Variants in ZCCHC7 observed in about 807,000 individuals in gnomAD.
The protein encoded by ZCCHC7 is zinc finger CCHC-type containing 7, also known as zinc finger CCHC domain-containing protein 7.
Under a neutral mutation model 52.0 loss-of-function variants are expected in ZCCHC7, and 35 were observed. The observed-to-expected ratio is 0.67, with a 90% CI of 0.51 to 0.89. The LOEUF (loss-of-function observed/expected upper bound fraction) is 0.89, where lower values mean the gene tolerates loss of function less well. Ranked by LOEUF, ZCCHC7 falls within the 40% of genes least tolerant of loss-of-function variation. ZCCHC7 has a pLI of 0.00. For synonymous variants in ZCCHC7, 217 were observed against 221.5 expected, an observed-to-expected ratio of 0.98 and a Z score of 0.18; for missense variants, 574 against 649.1, an observed-to-expected ratio of 0.88 and a Z score of 1.26.
intron 2 of ZCCHC7, among the ~76,000 whole-genome samples, chr9:37,138,060 G>T (rs958280248): frequency 9.9e-5 from 15 of 152,266 alleles, no homozygotes; most frequent in Admixed American, 9.2e-4. Context: ...GCTTTTGTAA[G>T]CCTGTACTGC....
intron 2 of ZCCHC7, among the ~76,000 whole-genome samples, chr9:37,169,265 A>G (rs1294971800): frequency 6.6e-6 from 1 of 152,210 alleles, no homozygotes; most frequent in Non-Finnish European, 1.5e-5. Flanking sequence ...GTTCAAGGGA[A>G]GCATTCCATT....
chr9:37,207,167 G>C (rs767020010), intron 2 of ZCCHC7, among the ~76,000 whole-genome samples: 13 of 152,154 alleles, frequency 8.5e-5, no homozygotes, highest in Non-Finnish European at 1.6e-4. Flanking sequence ...TTATTGTTTA[G>C]AGTTGAAGTA....
At position 37,299,231 on chromosome 9, in the gene ZCCHC7, C is replaced by T. The variant is rs559279966; in HGVS notation, c.611-2957C>T. Among the ~76,000 whole-genome samples, 5 of 152,282 alleles carry T rather than the reference C, an allele frequency of 3.3e-5. No homozygotes were observed. In the South Asian group the frequency reaches 1.0e-3, roughly 32 times the overall value. ...GGTGGACACATGGAAGATGAGTGTTCCTGGGCCGTATGGAAAGTCCTCTTT... is the reference window on the plus strand; with the variant it reads ...GGTGGACACATGGAAGATGAGTGTTTCTGGGCCGTATGGAAAGTCCTCTTT... On this transcript the variant is annotated intron_variant, in intron 2 of 8. Transcript: ENST00000336755.
chr9:37,246,802 T>C (rs1826098325), intron 2 of ZCCHC7, among the ~76,000 whole-genome samples: 2 of 152,090 alleles, frequency 1.3e-5, no homozygotes, highest in Non-Finnish European at 1.5e-5. Context: ...TGCAGGAGCA[T>C]CCATAGATTT....
chr9:37,262,667 A>C (rs1381676386), intron 2 of ZCCHC7, among the ~76,000 whole-genome samples: 1 of 152,228 alleles, frequency 6.6e-6, no homozygotes, highest in Non-Finnish European at 1.5e-5. Context: ...CATTTTGCCA[A>C]ATAAATGGAT....
At chr9:37,142,171 A>T (rs1180899101) in intron 2 of ZCCHC7, among the ~76,000 whole-genome samples, 1 of 151,834 alleles carries the variant, frequency 6.6e-6, no homozygotes, top group Non-Finnish European at 1.5e-5. Flanking sequence ...AAAAATTCTA[A>T]TAATTTCCTA....
At chr9:37,237,121 C>G (rs1247919737) in intron 2 of ZCCHC7, among the ~76,000 whole-genome samples, 1 of 152,184 alleles carries the variant, frequency 6.6e-6, no homozygotes, top group Non-Finnish European at 1.5e-5. Context: ...TTTATGAAGA[C>G]TGAGCACTCA....
At chr9:37,165,578 A>G (rs1458060435) in intron 2 of ZCCHC7, among the ~76,000 whole-genome samples, 1 of 152,218 alleles carries the variant, frequency 6.6e-6, no homozygotes, top group Non-Finnish European at 1.5e-5. Flanking sequence ...ATTTTAATAT[A>G]GTGAATTACA....
At chr9:37,304,620 C>T (rs1255509056) in intron 4 of ZCCHC7, among the ~76,000 whole-genome samples, 1 of 150,732 alleles carries the variant, frequency 6.6e-6, no homozygotes. Context: ...CACACCATTG[C>T]ACTCCAGCCT....
At chr9:37,164,795 G>T (rs1356434591) in intron 2 of ZCCHC7, among the ~76,000 whole-genome samples, 1 of 152,014 alleles carries the variant, frequency 6.6e-6, no homozygotes, top group African/African-American at 2.4e-5. Flanking sequence ...CAAACTCCTG[G>T]GTTCAAGAGA....
chr9:37,191,368 A>AT (rs1263403621), intron 2 of ZCCHC7, among the ~76,000 whole-genome samples: 1 of 152,144 alleles, frequency 6.6e-6, no homozygotes, highest in African/African-American at 2.4e-5. Flanking sequence ...TTGAAAGTAT[A>AT]TTGAACATTT....
At chr9:37,135,611 CTAACAAATTG>C (rs1221342850) in intron 2 of ZCCHC7, among the ~76,000 whole-genome samples, 1 of 152,150 alleles carries the variant, frequency 6.6e-6, no homozygotes, top group Non-Finnish European at 1.5e-5. Flanking sequence ...TCGGGGATAC[CTAACAAATTG>C]TAGGTAAATT....
At chr9:37,338,393 A>G (rs547047783) in intron 6 of ZCCHC7, among the ~76,000 whole-genome samples, 2 of 152,270 alleles carry the variant, frequency 1.3e-5, no homozygotes, top group Middle Eastern at 3.4e-3. Context: ...GATTTACTGA[A>G]AAAGATACAA....
At chr9:37,162,493 C>G (rs1174158625) in intron 2 of ZCCHC7, among the ~76,000 whole-genome samples, 2 of 152,108 alleles carry the variant, frequency 1.3e-5, no homozygotes, top group Non-Finnish European at 2.9e-5. Flanking sequence ...ACAGTAGGGA[C>G]CCTTCAGGAG....
chr9:37,208,910 TC>T (rs1448034452), intron 2 of ZCCHC7, among the ~76,000 whole-genome samples: 133 of 152,330 alleles, frequency 8.7e-4, no homozygotes, highest in African/African-American at 3.2e-3. Context: ...ATCTTTCTGA[TC>T]TTATCTCCTA....
chr9:37,120,386 C>A (rs996627251), upstream of ZCCHC7, among the ~76,000 whole-genome samples: 2 of 152,210 alleles, frequency 1.3e-5, no homozygotes, highest in Non-Finnish European at 2.9e-5. Context: ...GCAAGGAAGG[C>A]AAACCTAATA....
intron 2 of ZCCHC7, among the ~76,000 whole-genome samples, chr9:37,136,007 A>G (rs1452723039): frequency 6.6e-6 from 1 of 152,026 alleles, no homozygotes; most frequent in South Asian, 2.1e-4. Flanking sequence ...CTAGTAAATC[A>G]TTTTGTTTGA....
chr9:37,254,837 C>CTTTTTTTTTTTTTTTT (rs59489076), intron 2 of ZCCHC7, among the ~76,000 whole-genome samples: 60 of 93,442 alleles, frequency 6.4e-4, no homozygotes, highest in Admixed American at 1.1e-3. Context: ...CAAAAAGTTT[C>CTTTTTTTTTTTTTTTT]TTTTTTTTTT....
intron 8 of ZCCHC7, among the ~76,000 whole-genome samples, chr9:37,355,966 T>C (rs1564276488): frequency 6.6e-6 from 1 of 151,784 alleles, no homozygotes; most frequent in Non-Finnish European, 1.5e-5. Flanking sequence ...TTTGTACTTT[T>C]CTGTTTTTTC....
Sources: gnomAD v4.1 joint callset for allele counts (sites outside exome capture counted in the v4.1 genomes callset) on GRCh38, gnomAD v4.1.1 for gene constraint, MANE v1.5 for transcripts, NCBI Gene and HGNC (gene_info 2026-07-23, HGNC 2026-07-21) for gene names.